The following INPP4A variants were observed in gnomAD, a reference collection of about 807,000 sequenced individuals.
The protein encoded by INPP4A is inositol polyphosphate-4-phosphatase type I A.
Under a neutral mutation model 119.8 loss-of-function variants are expected in INPP4A, and 33 were observed. The observed-to-expected ratio is 0.28, with a 90% CI of 0.21 to 0.37. INPP4A has a LOEUF of 0.37. INPP4A is among the 10% of genes least tolerant of loss of function. The pLI is 1.00. For missense variants in INPP4A, 956 were observed against 1,289.9 expected, an observed-to-expected ratio of 0.74 and a Z score of 3.97; for synonymous variants, 496 against 500.7, an observed-to-expected ratio of 0.99 and a Z score of 0.12.
chr2:98,566,848 T>G lies in INPP4A; in HGVS notation c.2420+679T>G, dbSNP rs779784230. Among the ~76,000 whole-genome samples, 2 of 152,206 alleles carry G rather than the reference T, an allele frequency of 1.3e-5. No homozygotes were observed. Among genetic ancestry groups the G allele is most frequent in the Non-Finnish European group, 2.9e-5 (2 of 68,036 alleles). Reference sequence around the variant, plus strand: ...CTGGCCTTCCACTAGTACATGAGAATGATTCCTGTGTTGTCATTTATCTTC... The same window carrying G: ...CTGGCCTTCCACTAGTACATGAGAAGGATTCCTGTGTTGTCATTTATCTTC... On this transcript the variant is annotated intron_variant, in intron 21 of 24. Coordinates refer to ENST00000409851, the MANE Select transcript of INPP4A (RefSeq NM_001134225.2). The surrounding 1 kb of genome is among the most constrained non-coding windows in gnomAD (Gnocchi z 4.2).
At position 98,489,176 on chromosome 2, in the gene INPP4A, C is replaced by G. The variant is rs1680181239; in HGVS notation, c.-165-29788C>G. Among the ~76,000 whole-genome samples, 4 of 151,840 alleles carry G rather than the reference C, an allele frequency of 2.6e-5. No individual in the cohort carries two copies. The South Asian group carries it at 8.3e-4, about 32-fold the overall frequency. On this transcript the variant is annotated intron_variant, in intron 1 of 24. Coordinates refer to ENST00000409851, the MANE Select transcript of INPP4A (RefSeq NM_001134225.2). ...GAAAGAGGTGTCAGATACATCTGAGCTCCCAAGAATGGTGGTACCTGGAAG... is the reference window on the plus strand; with the variant it reads ...GAAAGAGGTGTCAGATACATCTGAGGTCCCAAGAATGGTGGTACCTGGAAG...
intron 4 of INPP4A, among the ~76,000 whole-genome samples, chr2:98,527,525 G>A (rs752256140): frequency 5.9e-4 from 90 of 152,168 alleles, no homozygotes; most frequent in African/African-American, 2.1e-3. Flanking sequence ...ATATTCCTGG[G>A]AACTTCAAAG....
rs751239054 is a variant in INPP4A, at chr2:98,555,570, C to T, written c.1584C>T (p.Asn528=). 13 of 1,603,350 alleles carry T rather than the reference C, an allele frequency of 8.1e-6. No individual in the cohort carries two copies. The highest frequency in any genetic ancestry group is 4.4e-5 in the South Asian group (4 of 90,442). The change falls in exon 16 of 25, where the codon AAC becomes AAT. Residue 528 remains asparagine, a synonymous_variant. Coordinates refer to ENST00000409851, the MANE Select transcript of INPP4A (RefSeq NM_001134225.2). ...HEEEWEKVWL[N]VDKSLECIIQ... ...TTTGGAAGGAGAAAGTGTGGCTGAA[C>T]GTGGACAAGAGCCTAGAGTGCATCA... is the stretch of plus-strand genomic sequence containing the variant.
At chr2:98,473,609 T>C (rs1382075281) in intron 1 of INPP4A, among the ~76,000 whole-genome samples, 5 of 152,080 alleles carry the variant, frequency 3.3e-5, no homozygotes, top group African/African-American at 9.7e-5. Flanking sequence ...TACAATGTGG[T>C]CAGGGCCTCT....
intron 5 of INPP4A, 107 bp downstream of exon 5, chr2:98,533,602 G>A (rs368641801): frequency 3.8e-5 from 27 of 702,680 alleles, no homozygotes; most frequent in Non-Finnish European, 5.1e-5. Flanking sequence ...CTGTATTTAC[G>A]TGAGTTGTTG....
chr2:98,497,347 G>A (rs535315930), intron 1 of INPP4A, among the ~76,000 whole-genome samples: 1 of 152,330 alleles, frequency 6.6e-6, no homozygotes, highest in East Asian at 1.9e-4. Context: ...GGAAATGTGG[G>A]GTGGGAGCCC....
chr2:98,563,360 G>A, intron 17 of INPP4A, 105 bp from the exon 18 acceptor site: 1 of 1,020,876 alleles, frequency 9.8e-7, no homozygotes, highest in Non-Finnish European at 1.5e-6. Context: ...AGATGGGGGA[G>A]TGGGAGGACT....
intron 1 of INPP4A, among the ~76,000 whole-genome samples, chr2:98,488,972 TGTGTG>T (rs1680130868): frequency 1.3e-5 from 2 of 151,382 alleles, no homozygotes; most frequent in African/African-American, 4.9e-5. Flanking sequence ...TGTGTGTGTG[TGTGTG>T]TGTGTGTAAA....
intron 5 of INPP4A, among the ~76,000 whole-genome samples, chr2:98,534,969 G>A (rs917383193): frequency 6.6e-6 from 1 of 152,186 alleles, no homozygotes; most frequent in Non-Finnish European, 1.5e-5. Context: ...TTAGCCAAGG[G>A]CAGGTGGAGG....
At chr2:98,561,390 G>A (rs1695444932) in intron 17 of INPP4A, among the ~76,000 whole-genome samples, 1 of 152,144 alleles carries the variant, frequency 6.6e-6, no homozygotes, top group South Asian at 2.1e-4. Flanking sequence ...ACTAGATCCT[G>A]CGTGGAAATC....
intron 4 of INPP4A, among the ~76,000 whole-genome samples, chr2:98,522,456 A>T (rs1163593550): frequency 6.6e-6 from 1 of 152,166 alleles, no homozygotes; most frequent in African/African-American, 2.4e-5. Context: ...AATTCTATGA[A>T]GTTTGGAAGT....
rs1700447548 is a variant in INPP4A, at chr2:98,592,486, C to T, written c.*4878C>T. ...GTTTTTACACTTTTAAAAGTGCCCT[C>T]TTCTCAGAGACCCTGGTTATTTCCA... On this transcript the variant is annotated 3_prime_UTR_variant, in exon 25 of 25. Transcript: ENST00000409851. 1 of 152,284 alleles carries T rather than the reference C, an allele frequency of 6.6e-6. No individual in the cohort carries two copies. The highest frequency in any genetic ancestry group is 1.9e-4 in the East Asian group (1 of 5,182). The allele number at this position is 152,284 out of a possible 1,614,324, so 9.4% of individuals were successfully genotyped here.
At chr2:98,538,847 C>G (rs759466287) in intron 8 of INPP4A, 44 bp from the exon 9 acceptor site, 1 of 1,158,218 alleles carries the variant, frequency 8.6e-7, no homozygotes. Flanking sequence ...CTGGAGTCAT[C>G]TGAATCTCAC....
chr2:98,522,057 G>C (rs1687295774), intron 4 of INPP4A, among the ~76,000 whole-genome samples: 1 of 152,120 alleles, frequency 6.6e-6, no homozygotes, highest in Non-Finnish European at 1.5e-5. Flanking sequence ...GGAGGCCAAG[G>C]TGGGCGGATC....
intron 1 of INPP4A, among the ~76,000 whole-genome samples, chr2:98,500,609 A>G (rs796331359): frequency 2.6e-5 from 4 of 152,326 alleles, no homozygotes; most frequent in African/African-American, 9.6e-5. Flanking sequence ...TTTGTAGTCT[A>G]GGAACAGGGT....
At chr2:98,538,757 TTTA>T in intron 8 of INPP4A, 131 bp from the exon 9 acceptor site, 2 of 581,808 alleles carry the variant, frequency 3.4e-6, no homozygotes, top group Non-Finnish European at 6.3e-6. Flanking sequence ...GGGCAGCATA[TTTA>T]TTGTAGAGTT....
chr2:98,479,222 C>G (rs1677899852), intron 1 of INPP4A, among the ~76,000 whole-genome samples: 1 of 152,138 alleles, frequency 6.6e-6, no homozygotes. Flanking sequence ...GGTGGCACTT[C>G]TAATTTTAGA....
In INPP4A at chr2:98,554,471, C is replaced by T. The variant is rs1458526537; in HGVS notation, c.1548C>T (p.Asp516=). 2 of 1,613,530 alleles carry T rather than the reference C, an allele frequency of 1.2e-6. No individual in the cohort carries two copies. Among genetic ancestry groups the T allele is most frequent in the Non-Finnish European group, 1.7e-6 (2 of 1,179,818 alleles). ...ACAGCCGATCTTCCCTGCAGGTGGA[C>T]TGGCACGAGGAGGAGTGGGTGAGTC... ...GRNSRSSLQV[D]WHEEEWEKVW... is the part of the protein sequence containing the mutation. Residue 516 remains aspartate, a synonymous_variant, in exon 15 of 25, where the codon GAC becomes GAT. Transcript: ENST00000409851. The surrounding 1 kb of genome is among the most constrained non-coding windows in gnomAD (Gnocchi z 4.7).
rs1233927044 is a variant in INPP4A, at chr2:98,589,770, G to A, written c.*2162G>A. The A allele has an allele frequency of 1.1e-5, 2 of 183,554 alleles. No individual in the cohort carries two copies. Among genetic ancestry groups the A allele is most frequent in the Non-Finnish European group, 1.2e-5 (1 of 86,432 alleles). 11.4% of individuals were successfully genotyped at this position (183,554 alleles called of 1,614,324 possible). A position where few individuals can be genotyped will look rare whatever the true frequency, so the allele number is the denominator to read the frequency against. ...GTAGGAGCTTTGGGTTTTCAGAGGTGCAGGGAAGGCAGTTTTACAGGTTAC... is the reference window on the plus strand; with the variant it reads ...GTAGGAGCTTTGGGTTTTCAGAGGTACAGGGAAGGCAGTTTTACAGGTTAC... On this transcript the variant is annotated 3_prime_UTR_variant, in exon 25 of 25. Coordinates refer to ENST00000409851, the MANE Select transcript of INPP4A (RefSeq NM_001134225.2).
Sources: gnomAD v4.1 joint callset for allele counts (sites outside exome capture counted in the v4.1 genomes callset) on GRCh38, gnomAD v4.1.1 for gene constraint, Gnocchi (gnomAD v3.1) non-coding constraint, MANE v1.5 for transcripts, NCBI Gene and HGNC (gene_info 2026-07-23, HGNC 2026-07-21) for gene names.